PPP1R14C: variants seen among roughly 807,000 people sequenced by gnomAD.
PPP1R14C encodes the protein protein phosphatase 1 regulatory inhibitor subunit 14C, also known as protein phosphatase 1 regulatory subunit 14C.
A neutral mutation model predicts 20.4 loss-of-function variants in PPP1R14C; 16 were observed. That is an observed-to-expected ratio of 0.78 (90% CI 0.53 to 1.19). The LOEUF (loss-of-function observed/expected upper bound fraction) is 1.19, where lower values mean the gene tolerates loss of function less well. Among genes scored for constraint, PPP1R14C ranks in the 50% most tolerant of loss-of-function variants. PPP1R14C has a pLI of 0.00. For missense variants in PPP1R14C, 211 were observed against 220.1 expected, an observed-to-expected ratio of 0.96 and a Z score of 0.26; for synonymous variants, 91 against 91.0, an observed-to-expected ratio of 1.00 and a Z score of 0.00.
intron 1 of PPP1R14C, among the ~76,000 whole-genome samples, chr6:150,210,017 T>TTGTG (rs374067296): frequency 6.6e-6 from 1 of 151,228 alleles, no homozygotes; most frequent in Non-Finnish European, 1.5e-5. Flanking sequence ...GTGTATATAT[T>TTGTG]TGTGTGTGTG....
At chr6:150,227,129 GTA>G (rs1778239472) in intron 3 of PPP1R14C, among the ~76,000 whole-genome samples, 1 of 152,184 alleles carries the variant, frequency 6.6e-6, no homozygotes, top group Non-Finnish European at 1.5e-5. Context: ...ATACATGGAA[GTA>G]CATTCCTTCT....
At chr6:150,216,686 T>C (rs1778098233) in intron 2 of PPP1R14C, 138 bp from the exon 3 acceptor site, 2 of 631,790 alleles carry the variant, frequency 3.2e-6, no homozygotes, top group Admixed American at 6.6e-5. Flanking sequence ...TGAAATGAAG[T>C]GCGTTTCTAG....
rs6939875 is a variant in PPP1R14C, at chr6:150,188,776, G to A, written c.307-25968G>A. Among the ~76,000 whole-genome samples, 1,163 of 151,778 alleles carry A rather than the reference G, an allele frequency of 7.7e-3. 18 individuals are homozygous for A. The highest frequency in any genetic ancestry group is 0.026 in the African/African-American group (1,086 of 41,420). ...GCTGAGATTATAGGTGTGAGCCACT[G>A]CGCCTGGCTAGGAATTACCTTCTTA... On this transcript the variant is annotated intron_variant, in intron 1 of 3. Transcript: ENST00000361131.
At chr6:150,187,535 G>A (rs1777692545) in intron 1 of PPP1R14C, among the ~76,000 whole-genome samples, 1 of 151,992 alleles carries the variant, frequency 6.6e-6, no homozygotes, top group East Asian at 1.9e-4. Flanking sequence ...CTACTTTTGG[G>A]AATGTGTGGT....
intron 1 of PPP1R14C, among the ~76,000 whole-genome samples, chr6:150,206,785 A>G (rs1319824079): frequency 6.6e-6 from 1 of 152,144 alleles, no homozygotes; most frequent in East Asian, 1.9e-4. Context: ...AATATTATGT[A>G]AAACATTCCT....
intron 1 of PPP1R14C, among the ~76,000 whole-genome samples, chr6:150,187,269 G>C (rs1363042325): frequency 6.6e-6 from 1 of 151,526 alleles, no homozygotes; most frequent in African/African-American, 2.4e-5. Flanking sequence ...GTGTGTGTGT[G>C]TGTGTGTGTG....
At chr6:150,216,460 A>G (rs938323266) in intron 2 of PPP1R14C, among the ~76,000 whole-genome samples, 1 of 152,064 alleles carries the variant, frequency 6.6e-6, no homozygotes, top group Admixed American at 6.5e-5. Context: ...GCACCACTGC[A>G]CTCTAGTCTG....
intron 1 of PPP1R14C, among the ~76,000 whole-genome samples, chr6:150,210,097 C>T (rs868727110): frequency 6.6e-6 from 1 of 152,130 alleles, no homozygotes; most frequent in Non-Finnish European, 1.5e-5. Context: ...ATCCTGGTAC[C>T]TGAGCCTGTT....
intron 1 of PPP1R14C, among the ~76,000 whole-genome samples, chr6:150,158,527 G>A (rs1178990046): frequency 6.6e-6 from 1 of 152,126 alleles, no homozygotes; most frequent in Non-Finnish European, 1.5e-5. Context: ...ATGTATTCTA[G>A]GTAAAACTCT....
intron 1 of PPP1R14C, chr6:150,194,797 G>A: frequency 4.1e-6 from 4 of 985,362 alleles, no homozygotes; most frequent in Non-Finnish European, 4.8e-6. Flanking sequence ...GGGGGTTGAT[G>A]TTTGTTATTC....
intron 1 of PPP1R14C, among the ~76,000 whole-genome samples, chr6:150,198,638 C>T (rs1285380100): frequency 6.6e-6 from 1 of 152,240 alleles, no homozygotes; most frequent in Non-Finnish European, 1.5e-5. Context: ...GGGACCTCAG[C>T]AATGCCATCT....
intron 1 of PPP1R14C, among the ~76,000 whole-genome samples, chr6:150,163,393 A>AAACAAC (rs749973972): frequency 6.6e-6 from 1 of 152,160 alleles, no homozygotes; most frequent in Non-Finnish European, 1.5e-5. Context: ...TCCGTCTCAA[A>AAACAAC]AACAACAACA....
chr6:150,218,565 A>G, intron 3 of PPP1R14C, among the ~76,000 whole-genome samples: 1 of 142,936 alleles, frequency 7.0e-6, no homozygotes, highest in Non-Finnish European at 1.5e-5. Context: ...ATTTTATATT[A>G]TATTTATGTA....
chr6:150,174,458 C>A (rs112687031), intron 1 of PPP1R14C, among the ~76,000 whole-genome samples: 1 of 151,578 alleles, frequency 6.6e-6, no homozygotes, highest in Non-Finnish European at 1.5e-5. Context: ...CCTTGTGATC[C>A]GCCCACCTTG....
intron 1 of PPP1R14C, among the ~76,000 whole-genome samples, chr6:150,200,212 AAC>A (rs1296404890): frequency 2.0e-5 from 3 of 151,282 alleles, no homozygotes; most frequent in Admixed American, 6.6e-5. Context: ...ACATGTACAC[AAC>A]ACACACACAC....
chr6:150,193,292 G>A (rs1474170524), intron 1 of PPP1R14C, among the ~76,000 whole-genome samples: 1 of 152,006 alleles, frequency 6.6e-6, no homozygotes, highest in Non-Finnish European at 1.5e-5. Flanking sequence ...AGACAAGGAT[G>A]TCTCACATGT....
intron 1 of PPP1R14C, among the ~76,000 whole-genome samples, chr6:150,174,396 T>C (rs546899992): frequency 5.3e-5 from 8 of 150,754 alleles, no homozygotes; most frequent in African/African-American, 1.9e-4. Flanking sequence ...ATCTGTATTT[T>C]TAGTAGAGAT....
chr6:150,237,496 C>G (rs1038751822), intron 3 of PPP1R14C, among the ~76,000 whole-genome samples: 1 of 152,104 alleles, frequency 6.6e-6, no homozygotes, highest in Non-Finnish European at 1.5e-5. Context: ...AGCCACCATG[C>G]CTGGCCCAGA....
intron 1 of PPP1R14C, among the ~76,000 whole-genome samples, chr6:150,209,150 T>G (rs899263681): frequency 6.6e-6 from 1 of 152,166 alleles, no homozygotes; most frequent in Non-Finnish European, 1.5e-5. Context: ...CACAGGAGTT[T>G]AATCCCGTGT....
Sources: allele counts gnomAD v4.1 joint callset (sites outside exome capture counted in the v4.1 genomes callset), GRCh38; gene constraint gnomAD v4.1.1; transcripts MANE v1.5; gene names NCBI Gene and HGNC (gene_info 2026-07-23, HGNC 2026-07-21).